Variants in VPS54 observed in about 807,000 individuals in gnomAD.
VPS54 encodes vacuolar protein sorting-associated protein 54.
A neutral mutation model predicts 121.5 loss-of-function variants in VPS54; 45 were observed. The ratio of observed to expected loss-of-function variants is 0.37; its 90% confidence interval spans 0.29 to 0.47. The LOEUF is 0.47. Ranked by LOEUF, VPS54 falls within the 20% of genes least tolerant of loss-of-function variation. The pLI is 0.99. For synonymous variants in VPS54, 371 were observed against 385.8 expected, an observed-to-expected ratio of 0.96 and a Z score of 0.45; for missense variants, 1,090 against 1,131.4, an observed-to-expected ratio of 0.96 and a Z score of 0.52.
chr2:63,985,300 C>A (rs1676995993), intron 1 of VPS54, among the ~76,000 whole-genome samples: 2 of 152,208 alleles, frequency 1.3e-5, no homozygotes, highest in South Asian at 2.1e-4. Flanking sequence ...GCCTGGGCAA[C>A]ATGGTGAGAC....
At chr2:64,017,411 C>CTATA (rs779884446) in intron 1 of VPS54, among the ~76,000 whole-genome samples, 1 of 151,602 alleles carries the variant, frequency 6.6e-6, no homozygotes, top group African/African-American at 2.4e-5. Context: ...GTTTCATGGG[C>CTATA]TATATAGGAA....
At chr2:63,997,450 T>C (rs578006461) in intron 1 of VPS54, among the ~76,000 whole-genome samples, 2 of 152,168 alleles carry the variant, frequency 1.3e-5, no homozygotes, top group Non-Finnish European at 2.9e-5. Flanking sequence ...ATATAGGAAT[T>C]TATCCATTTC....
At chr2:63,913,410 T>C in intron 17 of VPS54, 100 bp from the exon 18 acceptor site, 1 of 735,232 alleles carries the variant, frequency 1.4e-6, no homozygotes, top group Non-Finnish European at 2.1e-6. Context: ...TTTCCTCTCA[T>C]TCAATGGCCA....
chr2:63,959,324 C>A (rs1255386884), intron 7 of VPS54, among the ~76,000 whole-genome samples: 1 of 152,120 alleles, frequency 6.6e-6, no homozygotes, highest in Non-Finnish European at 1.5e-5. Flanking sequence ...ATTCAGTATT[C>A]TTCCTTGACT....
At chr2:63,956,830 G>A (rs114494196) in intron 7 of VPS54, among the ~76,000 whole-genome samples, 2,017 of 152,140 alleles carry the variant, frequency 0.013, 60 homozygotes, top group African/African-American at 0.046. Flanking sequence ...GAAGTAGTAG[G>A]AATAGAGTGT....
intron 11 of VPS54, among the ~76,000 whole-genome samples, chr2:63,936,491 A>T (rs1575930150): frequency 6.6e-6 from 1 of 152,186 alleles, no homozygotes; most frequent in African/African-American, 2.4e-5. Context: ...TTAATGAAAT[A>T]TCTGGTAGCC....
intron 1 of VPS54, among the ~76,000 whole-genome samples, chr2:63,996,936 C>G (rs55728742): frequency 0.024 from 3,580 of 152,242 alleles, 45 homozygotes; most frequent in East Asian, 0.035. Flanking sequence ...TTCATACACT[C>G]CCTCCCCTTT....
intron 15 of VPS54, among the ~76,000 whole-genome samples, chr2:63,919,634 T>C (rs903275631): frequency 4.6e-5 from 7 of 152,100 alleles, no homozygotes; most frequent in African/African-American, 1.7e-4. Flanking sequence ...CACAGATCGT[T>C]GTGAGAATGA....
intron 21 of VPS54, 24 bp from the exon 22 acceptor site, chr2:63,897,614 T>C: frequency 7.5e-7 from 1 of 1,335,060 alleles, no homozygotes; most frequent in Non-Finnish European, 1.0e-6. Context: ...AAAACTAAGT[T>C]TCTTAAAGTT....
intron 3 of VPS54, among the ~76,000 whole-genome samples, chr2:63,974,307 A>C (rs1217671980): frequency 1.3e-5 from 2 of 152,180 alleles, no homozygotes; most frequent in Non-Finnish European, 2.9e-5. Context: ...ACTGACCCAT[A>C]TGTCTGTTCT....
chr2:63,949,947 C>T (rs1675162202), intron 7 of VPS54, among the ~76,000 whole-genome samples: 1 of 152,156 alleles, frequency 6.6e-6, no homozygotes, highest in African/African-American at 2.4e-5. Context: ...TGTCTAATGT[C>T]ATCTTGTTTT....
chr2:63,902,247 T>C (rs1437318999), intron 20 of VPS54, among the ~76,000 whole-genome samples: 2 of 152,182 alleles, frequency 1.3e-5, no homozygotes, highest in East Asian at 1.9e-4. Flanking sequence ...TATTCTGTAG[T>C]GGAGATGTAC....
At chr2:63,953,380 G>A (rs191255297) in intron 7 of VPS54, among the ~76,000 whole-genome samples, 130 of 152,152 alleles carry the variant, frequency 8.5e-4, no homozygotes, top group Middle Eastern at 6.8e-3. Flanking sequence ...TGGTCCACCC[G>A]CCTTGGCCTC....
chr2:63,893,595 G>A, intron 22 of VPS54, 60 bp from the exon 23 acceptor site: 2 of 1,436,076 alleles, frequency 1.4e-6, no homozygotes, highest in South Asian at 1.2e-5. Context: ...GATAATTAAA[G>A]TAACAGTGCT....
At chr2:64,018,748 A>C (rs1409226955) in intron 1 of VPS54, among the ~76,000 whole-genome samples, 190 bp downstream of exon 1, 20 of 13,350 alleles carry the variant, frequency 1.5e-3, no homozygotes, top group Admixed American at 8.3e-3. Context: ...AGTGAAAAGG[A>C]AAAAAAAAAA....
chr2:64,013,680 T>C (rs1009819354), intron 1 of VPS54, among the ~76,000 whole-genome samples: 5 of 146,538 alleles, frequency 3.4e-5, no homozygotes, highest in South Asian at 2.1e-4. Flanking sequence ...ATCTATATAT[T>C]GATATATATC....
chr2:63,997,977 GTGTT>G (rs1233489980), intron 1 of VPS54, among the ~76,000 whole-genome samples: 1 of 152,002 alleles, frequency 6.6e-6, no homozygotes, highest in Admixed American at 6.6e-5. Flanking sequence ...TAATTTCCAT[GTGTT>G]TGTATGGTTT....
chr2:63,938,080 G>GTGTGTGTGTGTC (rs2104498439), intron 11 of VPS54, among the ~76,000 whole-genome samples: 1 of 151,582 alleles, frequency 6.6e-6, no homozygotes, highest in East Asian at 1.9e-4. Context: ...GTGTGTGTGT[G>GTGTGTGTGTGTC]TGTGTCTAGA....
chr2:63,917,744 CTA>C (rs1454217070), intron 15 of VPS54, among the ~76,000 whole-genome samples: 5 of 152,080 alleles, frequency 3.3e-5, no homozygotes, highest in African/African-American at 1.2e-4. Context: ...CATCACTTCT[CTA>C]TATTACAGAG....
Sources: allele counts gnomAD v4.1 joint callset (sites outside exome capture counted in the v4.1 genomes callset), GRCh38; gene constraint gnomAD v4.1.1; transcripts MANE v1.5; gene names NCBI Gene and HGNC (gene_info 2026-07-23, HGNC 2026-07-21).